PLSCR1: variants seen among roughly 807,000 people sequenced by gnomAD.
The protein encoded by PLSCR1 is PL scramblase 1.
A neutral mutation model predicts 37.8 loss-of-function variants in PLSCR1; 17 were observed. That is an observed-to-expected ratio of 0.45 (90% CI 0.31 to 0.68). PLSCR1 has a LOEUF of 0.68. Among genes scored for constraint, PLSCR1 ranks in the 30% least tolerant of loss-of-function variants. The probability of loss-of-function intolerance (pLI) is 0.06; values close to 1 mark genes in which losing one functional copy is unlikely to be tolerated. For synonymous variants in PLSCR1, 116 were observed against 125.9 expected (o/e 0.92, Z 0.53); for missense variants, 347 against 380.9 (o/e 0.91, Z 0.74).
chr3:146,542,418 G>A (rs1259932584), intron 1 of PLSCR1, among the ~76,000 whole-genome samples: 2 of 152,154 alleles, frequency 1.3e-5, no homozygotes, highest in Admixed American at 6.5e-5. Context: ...CCAGGATTGT[G>A]TAAGTAAATT....
chr3:146,535,272 G>T (rs766672233), intron 2 of PLSCR1, among the ~76,000 whole-genome samples: 8 of 150,244 alleles, frequency 5.3e-5, no homozygotes, highest in Non-Finnish European at 8.9e-5. Flanking sequence ...CACATATACA[G>T]GAACAGACAG....
intron 1 of PLSCR1, among the ~76,000 whole-genome samples, chr3:146,542,696 T>C (rs955522326): frequency 6.6e-6 from 1 of 152,228 alleles, no homozygotes; most frequent in Non-Finnish European, 1.5e-5. Flanking sequence ...AAAAGTGTTT[T>C]GGTTTTTTAA....
chr3:146,530,236 C>A (rs1305688925), intron 3 of PLSCR1, among the ~76,000 whole-genome samples: 1 of 152,126 alleles, frequency 6.6e-6, no homozygotes, highest in Non-Finnish European at 1.5e-5. Context: ...TTTACAAATT[C>A]TTTTAAATGG....
Position 146,523,520 on chromosome 3 carries a change from A to G in PLSCR1, c.356-1467T>C, listed in dbSNP as rs891421628. On this transcript the variant is annotated intron_variant, in intron 5 of 8. Transcript: ENST00000342435. ...TTTGCAATGCTTTTGAAAGAAGGCA[A>G]TGTACACGCATAAAAACCGAGGGAG... Among the ~76,000 whole-genome samples the G allele has an allele frequency of 2.6e-5, 4 of 152,358 alleles. No homozygotes were observed. The East Asian group carries it at 7.7e-4, about 29-fold the overall frequency.
rs776796712 is a variant in PLSCR1 at position 146,528,802 on chromosome 3, G to A, written c.124C>T (p.Pro42Ser). Reference sequence around the variant, plus strand: ...GGTGGGGGTGGGTAGCTGACCTGGGGCCCAGGGTAGCCACTATATCCTGGA... The same window carrying A: ...GGTGGGGGTGGGTAGCTGACCTGGGACCCAGGGTAGCCACTATATCCTGGA... Reference protein sequence around the residue: ...GPPGYSGYPGPQVSYPPPPAG... With the variant: ...GPPGYSGYPGSQVSYPPPPAG... The change falls in exon 4 of 9, where the codon CCC becomes TCC. Residue 42 changes from proline to serine, a missense_variant. Transcript: ENST00000342435. The A allele has an allele frequency of 6.2e-7, 1 of 1,613,122 alleles. No homozygotes were observed. Among genetic ancestry groups the A allele is most frequent in the Non-Finnish European group, 8.5e-7 (1 of 1,179,754 alleles).
intron 2 of PLSCR1, among the ~76,000 whole-genome samples, chr3:146,535,505 C>T (rs2044254531): frequency 1.3e-5 from 2 of 152,112 alleles, no homozygotes; most frequent in South Asian, 4.1e-4. Flanking sequence ...CTTAAAGGTA[C>T]TTTTTTTTAT....
chr3:146,544,431 G>A (rs1449195099), intron 1 of PLSCR1, 36 bp downstream of exon 1: 1 of 152,430 alleles, frequency 6.6e-6, no homozygotes. Flanking sequence ...CCGCGCCCAA[G>A]TCCCCAGGAG....
At chr3:146,518,751 A>G (rs2043979436) in intron 7 of PLSCR1, among the ~76,000 whole-genome samples, 1 of 152,198 alleles carries the variant, frequency 6.6e-6, no homozygotes, top group Non-Finnish European at 1.5e-5. Context: ...AAATGCAAAT[A>G]ATGATCTTCA....
chr3:146,518,960 T>C lies in PLSCR1; in HGVS notation c.739-1793A>G, dbSNP rs530340774. Among the ~76,000 whole-genome samples the C allele has an allele frequency of 3.4e-4, 51 of 152,142 alleles. 1 individual carries two copies. Among genetic ancestry groups the C allele is most frequent in the Non-Finnish European group, 6.2e-4 (42 of 67,990 alleles). On this transcript the variant is annotated intron_variant, in intron 7 of 8. Transcript: ENST00000342435. ...CCATAGATTCATCTCACAATGCAAA[T>C]ATAAATGCAAAATACTGAAATATAA...
chr3:146,533,717 A>C (rs1444507125), intron 2 of PLSCR1, among the ~76,000 whole-genome samples, 167 bp from the exon 3 acceptor site: 1 of 152,242 alleles, frequency 6.6e-6, no homozygotes, highest in Non-Finnish European at 1.5e-5. Context: ...CTCAGAGCTA[A>C]TTTGCAACTA....
intron 7 of PLSCR1, 90 bp downstream of exon 7, chr3:146,521,452 AAC>A: frequency 1.8e-6 from 2 of 1,089,768 alleles, no homozygotes; most frequent in South Asian, 3.0e-5. Context: ...ATTGGCACAC[AAC>A]ACTTATTTAA....
At chr3:146,520,510 T>A (rs1228975878) in intron 7 of PLSCR1, among the ~76,000 whole-genome samples, 1 of 152,150 alleles carries the variant, frequency 6.6e-6, no homozygotes, top group Non-Finnish European at 1.5e-5. Context: ...ACACACATTA[T>A]ATAATCCCCT....
At chr3:146,523,383 T>C (rs568251021) in intron 5 of PLSCR1, among the ~76,000 whole-genome samples, 11 of 152,314 alleles carry the variant, frequency 7.2e-5, no homozygotes, top group African/African-American at 2.6e-4. Flanking sequence ...CAGGATAGTT[T>C]ATGTGTAATG....
chr3:146,531,569 T>C (rs1381647846), intron 3 of PLSCR1, among the ~76,000 whole-genome samples: 3 of 152,224 alleles, frequency 2.0e-5, no homozygotes, highest in African/African-American at 7.2e-5. Flanking sequence ...CTCAAATCAA[T>C]GAATTAAGCA....
At chr3:146,531,040 T>G (rs1196848462) in intron 3 of PLSCR1, among the ~76,000 whole-genome samples, 1 of 152,172 alleles carries the variant, frequency 6.6e-6, no homozygotes, top group African/African-American at 2.4e-5. Context: ...GATAAATGCT[T>G]TCAAGTAAGA....
At position 146,520,512 on chromosome 3, in the gene PLSCR1, T is replaced by C. The variant is rs927696369; in HGVS notation, c.738+1032A>G. ...CACACATATACATACACACATTATA[T>C]AATCCCCTTATAAGAGCCTTTTTAA... is the stretch of plus-strand genomic sequence containing the variant. On this transcript the variant is annotated intron_variant, in intron 7 of 8. Coordinates refer to ENST00000342435, the MANE Select transcript of PLSCR1 (RefSeq NM_021105.3). Among the ~76,000 whole-genome samples the C allele has an allele frequency of 2.0e-5, 3 of 152,286 alleles. No homozygotes were observed. The East Asian group carries it at 5.8e-4, about 29-fold the overall frequency.
In PLSCR1 at chr3:146,516,029, G is replaced by A; in HGVS notation, c.*16C>T. On this transcript the variant is annotated 3_prime_UTR_variant, in exon 9 of 9. Transcript: ENST00000342435. The stretch of plus-strand genomic sequence containing the variant: ...ATACAGACTTCAGATTTCCTGAGGA[G>A]ACTTTCACTAATCCACTACCACACT... The A allele has an allele frequency of 1.3e-6, 2 of 1,559,158 alleles. No individual in the cohort carries two copies. The highest frequency in any genetic ancestry group is 1.8e-6 in the Non-Finnish European group (2 of 1,131,306).
Position 146,521,869 on chromosome 3 carries a change from T to C in PLSCR1, c.540A>G (p.Arg180=). The C allele has an allele frequency of 6.2e-7, 1 of 1,613,936 alleles. No homozygotes were observed. Among genetic ancestry groups the C allele is most frequent in the Non-Finnish European group, 8.5e-7 (1 of 1,179,842 alleles). ...QEVITLERPL[R]CSSCCCPCCL... ...AGCAGGGACAACAACAGCTGCTACATCTTAGTGGTCTCTCCAGAGTTATGA... is the reference window on the plus strand; with the variant it reads ...AGCAGGGACAACAACAGCTGCTACACCTTAGTGGTCTCTCCAGAGTTATGA... The change falls in exon 6 of 9, where the codon AGA becomes AGG. Residue 180 remains arginine, a synonymous_variant. Coordinates refer to ENST00000342435, the MANE Select transcript of PLSCR1 (RefSeq NM_021105.3).
intron 3 of PLSCR1, among the ~76,000 whole-genome samples, chr3:146,531,525 T>C (rs1420523276): frequency 2.0e-5 from 3 of 152,198 alleles, no homozygotes; most frequent in Non-Finnish European, 4.4e-5. Context: ...TCATCATAAT[T>C]TTCCCCAGAC....
Sources: gnomAD v4.1 joint callset for allele counts (sites outside exome capture counted in the v4.1 genomes callset) on GRCh38, gnomAD v4.1.1 for gene constraint, MANE v1.5 for transcripts, NCBI Gene and HGNC (gene_info 2026-07-23, HGNC 2026-07-21) for gene names.